The following PGBD1 variants were observed in gnomAD, a reference collection of about 807,000 sequenced individuals.
PGBD1 encodes piggyBac transposable element derived 1.
In PGBD1, 25 loss-of-function variants were observed where a neutral mutation model predicts 34.7. That is an observed-to-expected ratio of 0.72 (90% CI 0.52 to 1.00). The LOEUF (loss-of-function observed/expected upper bound fraction) is 1.00. Among genes scored for constraint, PGBD1 ranks in the 50% least tolerant of loss-of-function variants. The probability of loss-of-function intolerance (pLI) is 0.00; values close to 1 mark genes in which losing one functional copy is unlikely to be tolerated. For synonymous variants in PGBD1, 292 were observed against 335.7 expected (o/e 0.87, Z 1.42); for missense variants, 830 against 959.4 (o/e 0.87, Z 1.78).
At chr6:28,284,523 T>A (rs993494207) in intron 2 of PGBD1, among the ~76,000 whole-genome samples, 1 of 152,006 alleles carries the variant, frequency 6.6e-6, no homozygotes, top group African/African-American at 2.4e-5. Context: ...TTGCAAACAC[T>A]ATATCCCTTT....
chr6:28,296,796 T>G lies in PGBD1; in HGVS notation c.643-20T>G. The G allele has an allele frequency of 6.2e-7, 1 of 1,613,582 alleles. No individual in the cohort carries two copies. The highest frequency in any genetic ancestry group is 1.1e-5 in the South Asian group (1 of 91,036). ...ACCATGTGAAAACAAAGAGGCTATT[T>G]TCTTTTTTTGTCTTTTTAGACATTG... On this transcript the variant is annotated intron_variant, in intron 4 of 6. Coordinates refer to ENST00000682144, the MANE Select transcript of PGBD1 (RefSeq NM_032507.4).
rs1762302180 is a variant in PGBD1 at position 28,286,967 on chromosome 6, A to C, written c.554-113A>C. On this transcript the variant is annotated intron_variant, in intron 3 of 6. Coordinates refer to ENST00000682144, the MANE Select transcript of PGBD1 (RefSeq NM_032507.4). The stretch of plus-strand genomic sequence containing the variant: ...TCTCACACTGTAAAATCTACGTCTT[A>C]GTTCTTGAATGTTTAACAAACATAA... 5.2e-6 allele frequency: 4 copies of C among 769,854 alleles called. No individual in the cohort carries two copies. The East Asian group carries it at 1.1e-4, about 20-fold the overall frequency. 47.7% of individuals were successfully genotyped at this position (769,854 alleles called of 1,614,324 possible).
chr6:28,301,486 CT>C lies in PGBD1; in HGVS notation c.1635del (p.Phe545LeufsTer15). 6.2e-7 allele frequency: 1 copy of C among 1,613,898 alleles called. No homozygotes were observed. Among genetic ancestry groups the C allele is most frequent in the Non-Finnish European group, 8.5e-7 (1 of 1,179,912 alleles). On this transcript the variant is annotated frameshift_variant, in exon 7 of 7. Transcript: ENST00000682144. LOFTEE classifies it low-confidence loss of function (END_TRUNC). The part of the protein sequence containing the change: ...LYAPLEEYYC[F>X]DKSMCECFDS... Reference sequence around the variant, plus strand: ...ATGCTCCCCTGGAAGAATACTATTGCTTTGATAAGTCAATGTGTGAATGCTT... The same window carrying C: ...ATGCTCCCCTGGAAGAATACTATTGCTTGATAAGTCAATGTGTGAATGCTT...
rs760216485 is a variant in PGBD1 at position 28,296,829 on chromosome 6, CTG to C, written c.657_658del (p.Glu220GlyfsTer39). 4.3e-6 allele frequency: 7 copies of C among 1,614,064 alleles called. No individual in the cohort carries two copies. The South Asian group carries it at 6.6e-5, about 15-fold the overall frequency. ...TTGTCTTTTTAGACATTGGTGAAGACTGAGGAAGAAACAGCCCAGGCCGTTGC... is the reference window on the plus strand; with the variant it reads ...TTGTCTTTTTAGACATTGGTGAAGACAGGAAGAAACAGCCCAGGCCGTTGC... On this transcript the variant is annotated frameshift_variant, in exon 5 of 7. Coordinates refer to ENST00000682144, the MANE Select transcript of PGBD1 (RefSeq NM_032507.4). LOFTEE classifies it high-confidence loss of function.
rs747729431 is a variant in PGBD1 at position 28,301,003 on chromosome 6, A to C, written c.1149A>C (p.Ser383=). Residue 383 remains serine (S), a synonymous_variant, in exon 7 of 7, where the codon TCA becomes TCC. Coordinates refer to ENST00000682144, the MANE Select transcript of PGBD1 (RefSeq NM_032507.4). ...CTGCTCAAAAGAAGTTAAAGGTATC[A>C]TGTTTCCCAGAAAAGAGTTGGACCA... ...IQPAQKKLKV[S]CFPEKSWTKR... 3.1e-6 allele frequency: 5 copies of C among 1,614,210 alleles called. 1 individual carries two copies. The South Asian group carries it at 5.5e-5, about 18-fold the overall frequency.
In PGBD1 at chr6:28,300,931, C is replaced by T; in HGVS notation, c.1077C>T (p.Phe359=). Residue 359 remains phenylalanine (F), a synonymous_variant, in exon 7 of 7, where the codon TTC becomes TTT. Transcript: ENST00000682144. The surrounding 1 kb of genome is among the most constrained non-coding windows in gnomAD (Gnocchi z 4.0). ...RVSELLQGLS[F]SGDSDVEKDN... is the part of the protein sequence containing the mutation. ...GTGAACTGCTCCAAGGCCTCTCATT[C>T]TCTGGTGACTCAGATGTGGAAAAAG... 1 of 1,614,086 alleles carries T rather than the reference C, an allele frequency of 6.2e-7. No individual in the cohort carries two copies. Among genetic ancestry groups the T allele is most frequent in the Non-Finnish European group, 8.5e-7 (1 of 1,180,030 alleles).
chr6:28,288,702 A>G (rs1762361099), intron 4 of PGBD1, among the ~76,000 whole-genome samples: 2 of 152,092 alleles, frequency 1.3e-5, no homozygotes, highest in South Asian at 2.1e-4. Context: ...TTTAAAAAAA[A>G]AGAATAGGCC....
At chr6:28,294,990 CCTT>C (rs1762583186) in intron 4 of PGBD1, among the ~76,000 whole-genome samples, 3 of 152,282 alleles carry the variant, frequency 2.0e-5, no homozygotes, top group African/African-American at 4.8e-5. Flanking sequence ...AAATTAAAAA[CCTT>C]CTGGAAAGGA....
rs1762264958 is a variant in PGBD1, at chr6:28,285,669, C to G, written c.515C>G (p.Pro172Arg). The change falls in exon 3 of 7, where the codon CCT becomes CGT. Residue 172 changes from proline to arginine, a missense_variant. Pro to Arg is a moderately radical substitution (Grantham distance 103, BLOSUM62 -2). Around this residue, in one of 3 missense-constraint regions of PGBD1, gnomAD observed 457 missense variants for 515.4 expected, o/e 0.89. Transcript: ENST00000682144. ...LPGITTLKCE[P>R]PQRPQGNPQE... is the part of the protein sequence containing the mutation. The stretch of plus-strand genomic sequence containing the variant: ...GGGATAACCACCCTGAAGTGTGAAC[C>G]TCCACAGCGTCCTCAAGGGAACCCC... 6.2e-7 allele frequency: 1 copy of G among 1,613,966 alleles called. No homozygotes were observed. The highest frequency in any genetic ancestry group is 1.3e-5 in the African/African-American group (1 of 74,912).
Position 28,300,608 on chromosome 6 carries a change from T to G in PGBD1, c.870-116T>G. ...CCCATGGAAACTTAAGAGAAATAAG[T>G]AAGTATCCCCCCACACCCACCCCAA... On this transcript the variant is annotated intron_variant, in intron 6 of 6. Coordinates refer to ENST00000682144, the MANE Select transcript of PGBD1 (RefSeq NM_032507.4). The surrounding 1 kb of genome is among the most constrained non-coding windows in gnomAD (Gnocchi z 4.0). 1.7e-6 allele frequency: 2 copies of G among 1,202,350 alleles called. No homozygotes were observed. The highest frequency in any genetic ancestry group is 2.5e-5 in the East Asian group (1 of 40,678). 74.5% of individuals were successfully genotyped at this position (1,202,350 alleles called of 1,614,324 possible).
At position 28,283,900 on chromosome 6, in the gene PGBD1, G is replaced by A. The variant is rs1274039272; in HGVS notation, c.87G>A (p.Val29=). 1.2e-6 allele frequency: 2 copies of A among 1,614,142 alleles called. No individual in the cohort carries two copies. The highest frequency in any genetic ancestry group is 1.7e-6 in the Non-Finnish European group (2 of 1,179,952). The change falls in exon 2 of 7, where the codon GTG becomes GTA. Residue 29 remains valine, a synonymous_variant. Transcript: ENST00000682144. ...VKEEDPTWEQ[V]CNSQEGSSHT... ...AGGAAGATCCCACCTGGGAGCAGGTGTGCAACTCACAGGAGGGCAGCTCCC... is the reference window on the plus strand; with the variant it reads ...AGGAAGATCCCACCTGGGAGCAGGTATGCAACTCACAGGAGGGCAGCTCCC...
In PGBD1 at chr6:28,301,744, T is replaced by G; in HGVS notation, c.1890T>G (p.Phe630Leu). ...YPYHLCFDSF[F>L]TSVKLLSALK... ...ATCACCTGTGTTTTGATAGCTTCTT[T>G]ACAAGTGTCAAATTGTTGTCAGCCT... Residue 630 changes from phenylalanine (F) to leucine (L), a missense_variant, in exon 7 of 7, where the codon TTT becomes TTG. Physicochemically the swap from Phe to Leu is conservative, Grantham distance 22. Coordinates refer to ENST00000682144, the MANE Select transcript of PGBD1 (RefSeq NM_032507.4). 3 of 1,614,188 alleles carry G rather than the reference T, an allele frequency of 1.9e-6. No individual in the cohort carries two copies. The highest frequency in any genetic ancestry group is 2.5e-6 in the Non-Finnish European group (3 of 1,180,030).
intron 4 of PGBD1, among the ~76,000 whole-genome samples, chr6:28,288,744 C>CT (rs1433323761): frequency 6.6e-6 from 1 of 151,994 alleles, no homozygotes; most frequent in African/African-American, 2.4e-5. Flanking sequence ...TAATCCCACA[C>CT]TTTGGGAGGC....
intron 3 of PGBD1, among the ~76,000 whole-genome samples, chr6:28,286,029 C>G (rs1762276682): frequency 6.6e-6 from 1 of 152,156 alleles, no homozygotes; most frequent in African/African-American, 2.4e-5. Context: ...TGTATCTGAA[C>G]AAACTTGTAA....
intron 4 of PGBD1, among the ~76,000 whole-genome samples, chr6:28,287,824 T>C (rs1762332942): frequency 6.6e-6 from 1 of 152,242 alleles, no homozygotes; most frequent in Non-Finnish European, 1.5e-5. Flanking sequence ...CAGTGCCTCC[T>C]GTTATTAACA....
In PGBD1 at chr6:28,287,044, T is replaced by C. The variant is rs111563778; in HGVS notation, c.554-36T>C. On this transcript the variant is annotated intron_variant, in intron 3 of 6. Transcript: ENST00000682144. ...AAAAAGGGTACCCTAAAGGCCATCA[T>C]GTCTCATTTAGGACTCTTGCCCTCT... 2.7e-4 allele frequency: 415 copies of C among 1,522,218 alleles called. 1 individual carries two copies. Among genetic ancestry groups the C allele is most frequent in the Middle Eastern group, 2.5e-3 (15 of 5,892 alleles). The allele number at this position is 1,522,218 out of a possible 1,614,324, so 94.3% of individuals were successfully genotyped here.
In PGBD1 at chr6:28,302,157, A is replaced by G; in HGVS notation, c.2303A>G (p.Asp768Gly). 1 of 1,614,172 alleles carries G rather than the reference A, an allele frequency of 6.2e-7. No individual in the cohort carries two copies. Among genetic ancestry groups the G allele is most frequent in the Non-Finnish European group, 8.5e-7 (1 of 1,180,016 alleles). ...WYSILVSYMI[D>G]VAMNNAWQLH... Reference sequence around the variant, plus strand: ...TCAATTTTGGTGAGCTACATGATTGATGTAGCCATGAACAATGCATGGCAA... The same window carrying G: ...TCAATTTTGGTGAGCTACATGATTGGTGTAGCCATGAACAATGCATGGCAA... Residue 768 changes from aspartate to glycine, a missense_variant, in exon 7 of 7, where the codon GAT (aspartate) becomes GGT (glycine). Physicochemically the swap from Asp to Gly is moderately conservative, Grantham distance 94. This residue lies in a region of PGBD1 where 372 missense variants were observed against 427.9 expected (regional missense o/e 0.87). Coordinates refer to ENST00000682144, the MANE Select transcript of PGBD1 (RefSeq NM_032507.4).
chr6:28,297,816 GTTTTTTTTTTTTTTTTTT>G (rs368634720), intron 5 of PGBD1, 61 bp from the exon 6 acceptor site: 3 of 350,504 alleles, frequency 8.6e-6, no homozygotes, highest in Non-Finnish European at 1.4e-5. Context: ...TACCCTGGAA[GTTTTTTTTTTTTTTTTTT>G]TTTTTTTTTT....
intron 6 of PGBD1, among the ~76,000 whole-genome samples, chr6:28,298,960 T>C (rs1762740204): frequency 6.6e-6 from 1 of 152,048 alleles, no homozygotes; most frequent in African/African-American, 2.4e-5. Context: ...GAAGGGGGTG[T>C]GAATTTTCCT....
Sources: gnomAD v4.1 joint callset for allele counts (sites outside exome capture counted in the v4.1 genomes callset) on GRCh38, gnomAD v4.1.1 for gene constraint, gnomAD v4.1.1 regional missense constraint, Gnocchi (gnomAD v3.1) non-coding constraint, MANE v1.5 for transcripts, NCBI Gene and HGNC (gene_info 2026-07-23, HGNC 2026-07-21) for gene names.